Variants in ATG2B observed in about 807,000 individuals in gnomAD.
The protein encoded by ATG2B is autophagy related 2B.
ATG2B carries 121 observed loss-of-function variants against 241.3 expected under a neutral mutation model. The observed-to-expected ratio is 0.50, with a 90% CI of 0.43 to 0.58. The LOEUF (loss-of-function observed/expected upper bound fraction) is 0.58, where lower values mean the gene tolerates loss of function less well. Ranked by LOEUF, ATG2B falls within the 20% of genes least tolerant of loss-of-function variation. ATG2B has a pLI of 0.00. For missense variants in ATG2B, 2,306 were observed against 2,491.6 expected (o/e 0.93, Z 1.59); for synonymous variants, 858 against 876.6 (o/e 0.98, Z 0.37).
At chr14:96,311,979 A>T (rs921496122) in intron 26 of ATG2B, 110 bp downstream of exon 26, 5 of 797,904 alleles carry the variant, frequency 6.3e-6, no homozygotes, top group Non-Finnish European at 1.0e-5. Context: ...AAGGATCTTT[A>T]ATAAGATTCT....
At chr14:96,358,896 T>C (rs1430935474) in intron 1 of ATG2B, among the ~76,000 whole-genome samples, 1 of 152,208 alleles carries the variant, frequency 6.6e-6, no homozygotes, top group African/African-American at 2.4e-5. Context: ...TTTAAGGGTA[T>C]TTTGCTTTCA....
intron 2 of ATG2B, 61 bp from the exon 3 acceptor site, chr14:96,345,446 T>A: frequency 8.0e-7 from 1 of 1,243,802 alleles, no homozygotes. Flanking sequence ...TGCCAGTTCT[T>A]AAAATAATAC....
intron 26 of ATG2B, 51 bp downstream of exon 26, chr14:96,312,038 G>A (rs527729392): frequency 6.1e-6 from 8 of 1,319,048 alleles, no homozygotes; most frequent in South Asian, 2.4e-5. Flanking sequence ...AATTATTTAC[G>A]CACAAAAATA....
chr14:96,340,103 A>AAATATATATC (rs1887977894), intron 6 of ATG2B, among the ~76,000 whole-genome samples: 1 of 103,838 alleles, frequency 9.6e-6, no homozygotes, highest in African/African-American at 3.3e-5. Context: ...TGCTATATAG[A>AAATATATATC]ATATATGATA....
chr14:96,307,198 G>A (rs1016574221), intron 29 of ATG2B, among the ~76,000 whole-genome samples: 4 of 152,076 alleles, frequency 2.6e-5, no homozygotes, highest in African/African-American at 9.7e-5. Context: ...GATCACCTGA[G>A]GTCAGGAGTT....
Position 96,302,177 on chromosome 14 carries a change from G to GA in ATG2B, c.5038-70dup, listed in dbSNP as rs397746550. 291,678 of 841,066 alleles carry GA rather than the reference G, an allele frequency of 0.35. 47,116 individuals carry two copies. The highest frequency in any genetic ancestry group is 0.39 in the Admixed American group (15,397 of 39,280). 52.1% of individuals were successfully genotyped at this position (841,066 alleles called of 1,614,324 possible). A position where few individuals can be genotyped will look rare whatever the true frequency, so the allele number is the denominator to read the frequency against. On this transcript the variant is annotated intron_variant, in intron 33 of 41. Transcript: ENST00000359933. ...ATGACCTTCTTCTCTTTAAAAATAA[G>GA]AAAAAAAAAGAAAAATTCCTATTCC... is the stretch of plus-strand genomic sequence containing the variant.
intron 34 of ATG2B, among the ~76,000 whole-genome samples, chr14:96,298,837 A>G (rs1427078644): frequency 1.3e-5 from 2 of 152,210 alleles, no homozygotes; most frequent in African/African-American, 4.8e-5. Context: ...TAGCTACTCA[A>G]GTGTGTAAAT....
At position 96,325,994 on chromosome 14, in the gene ATG2B, T is replaced by C; in HGVS notation, c.2164-72A>G. ...AACATAAATTACACAGTATTCAACA[T>C]TACAATATGTATAATCACTATCTCC... On this transcript the variant is annotated intron_variant, in intron 14 of 41. Coordinates refer to ENST00000359933, the MANE Select transcript of ATG2B (RefSeq NM_018036.7). 2.8e-6 allele frequency: 4 copies of C among 1,410,260 alleles called. No homozygotes were observed. The South Asian group carries it at 4.0e-5, about 14-fold the overall frequency. The allele number at this position is 1,410,260 out of a possible 1,614,324, so 87.4% of individuals were successfully genotyped here.
At chr14:96,353,406 C>T (rs1044535089) in intron 1 of ATG2B, among the ~76,000 whole-genome samples, 3 of 152,118 alleles carry the variant, frequency 2.0e-5, no homozygotes, top group Admixed American at 1.3e-4. Context: ...GGGCAGATTG[C>T]CTGAGCTCAG....
intron 1 of ATG2B, among the ~76,000 whole-genome samples, chr14:96,351,663 G>A (rs1888324763): frequency 6.6e-6 from 1 of 151,778 alleles, no homozygotes; most frequent in Non-Finnish European, 1.5e-5. Flanking sequence ...TTGAACCCGG[G>A]AGGCGGAAGT....
At position 96,289,399 on chromosome 14, in the gene ATG2B, C is replaced by T. The variant is rs556357879; in HGVS notation, c.6006+257G>A. The T allele has an allele frequency of 5.3e-4, 195 of 369,080 alleles. 2 individuals carry two copies. In the South Asian group the frequency reaches 7.2e-3, roughly 14 times the overall value. The allele number at this position is 369,080 out of a possible 1,614,324, so 22.9% of individuals were successfully genotyped here. A position where few individuals can be genotyped will look rare whatever the true frequency, so the allele number is the denominator to read the frequency against. On this transcript the variant is annotated intron_variant, in intron 41 of 41. Transcript: ENST00000359933. This position sits in a 1 kb window ranked among gnomAD's most constrained non-coding sequence, Gnocchi z 4.3. ...GATCACACGGCATTTGTTTCTATCA[C>T]TCCCTGAGTGCTTCTGCAGGTGAAG...
At chr14:96,351,772 G>A (rs1235721836) in intron 1 of ATG2B, among the ~76,000 whole-genome samples, 3 of 150,856 alleles carry the variant, frequency 2.0e-5, no homozygotes, top group East Asian at 1.9e-4. Context: ...ATGGTAGCCC[G>A]TGCCTGTAGT....
At chr14:96,299,728 G>A (rs1033912070) in intron 34 of ATG2B, among the ~76,000 whole-genome samples, 3 of 152,150 alleles carry the variant, frequency 2.0e-5, no homozygotes, top group Admixed American at 6.5e-5. Context: ...GGAACACTGA[G>A]CTTTGGAAGC....
intron 32 of ATG2B, among the ~76,000 whole-genome samples, chr14:96,303,678 A>G (rs1886856764): frequency 6.6e-6 from 1 of 152,202 alleles, no homozygotes; most frequent in Non-Finnish European, 1.5e-5. Context: ...AACACAGTAT[A>G]CATAAAGTTC....
intron 6 of ATG2B, among the ~76,000 whole-genome samples, chr14:96,335,264 G>A (rs1315478419): frequency 6.6e-6 from 1 of 151,896 alleles, no homozygotes; most frequent in Non-Finnish European, 1.5e-5. Context: ...TTATTTTTAT[G>A]TCATTTTGCA....
intron 18 of ATG2B, among the ~76,000 whole-genome samples, chr14:96,320,854 G>A (rs891620345): frequency 6.6e-6 from 1 of 152,068 alleles, no homozygotes; most frequent in African/African-American, 2.4e-5. Context: ...AAAAGGAGGA[G>A]CCTAGAGATC....
In ATG2B at chr14:96,285,808, T is replaced by G. The variant is rs1334714173; in HGVS notation, c.6184A>C (p.Arg2062=). The change falls in exon 42 of 42, where the codon AGG becomes CGG. Residue 2062 remains arginine (R), a synonymous_variant. Coordinates refer to ENST00000359933, the MANE Select transcript of ATG2B (RefSeq NM_018036.7). The surrounding 1 kb of genome is among the most constrained non-coding windows in gnomAD (Gnocchi z 4.2). ...GACTCGTCTTGCCGGACATCTGGCC[T>G]AATTTGGTTTCTCATGCCACCCAGC... The part of the protein sequence containing the change: ...NVLGGMRNQI[R]PDVRQDESQK... The G allele has an allele frequency of 1.3e-5, 21 of 1,614,162 alleles. No homozygotes were observed. The highest frequency in any genetic ancestry group is 1.8e-5 in the Non-Finnish European group (21 of 1,180,032).
chr14:96,308,261 TATATATATATATATA>T (rs1566719831), intron 29 of ATG2B, among the ~76,000 whole-genome samples: 9 of 25,604 alleles, frequency 3.5e-4, no homozygotes, highest in Non-Finnish European at 5.4e-4. Flanking sequence ...TACACACATA[TATATATATATATATA>T]TATATATTTT....
At chr14:96,328,852 G>T in intron 12 of ATG2B, 86 bp from the exon 13 acceptor site, 1 of 1,016,564 alleles carries the variant, frequency 9.8e-7, no homozygotes, top group Non-Finnish European at 1.4e-6. Context: ...AAGGCTTTCT[G>T]AAGTCAGAAA....
Sources: gnomAD v4.1 joint callset for allele counts (sites outside exome capture counted in the v4.1 genomes callset) on GRCh38, gnomAD v4.1.1 for gene constraint, Gnocchi (gnomAD v3.1) non-coding constraint, MANE v1.5 for transcripts, NCBI Gene and HGNC (gene_info 2026-07-23, HGNC 2026-07-21) for gene names.